KCNH1: variants seen among roughly 807,000 people sequenced by gnomAD.
The protein encoded by KCNH1 is voltage-gated delayed rectifier potassium channel KCNH1.
Under a neutral mutation model 69.2 loss-of-function variants are expected in KCNH1, and 27 were observed. That is an observed-to-expected ratio of 0.39 (90% CI 0.29 to 0.54). The LOEUF is 0.54. KCNH1 is among the 20% of genes least tolerant of loss of function. The pLI is 0.68. For missense variants in KCNH1, 798 were observed against 1,261.6 expected (o/e 0.63, Z 5.57); for synonymous variants, 456 against 487.7 (o/e 0.93, Z 0.86).
chr1:211,127,562 T>C (rs1691803255), intron 1 of KCNH1, among the ~76,000 whole-genome samples: 1 of 152,192 alleles, frequency 6.6e-6, no homozygotes, highest in South Asian at 2.1e-4. Flanking sequence ...CCACAGTGGA[T>C]ACTGATGCCT....
intron 7 of KCNH1, among the ~76,000 whole-genome samples, chr1:210,816,061 A>G (rs1264549035): frequency 2.6e-5 from 4 of 152,168 alleles, no homozygotes; most frequent in African/African-American, 9.7e-5. Flanking sequence ...GCAAGCGGCG[A>G]GCGATTAACC....
intron 4 of KCNH1, among the ~76,000 whole-genome samples, chr1:211,089,084 A>T (rs1205394275): frequency 6.6e-6 from 1 of 152,186 alleles, no homozygotes; most frequent in Non-Finnish European, 1.5e-5. Context: ...GTAGTAATAA[A>T]AACAAAACAT....
At chr1:210,900,049 C>T (rs892537397) in intron 7 of KCNH1, among the ~76,000 whole-genome samples, 1 of 152,228 alleles carries the variant, frequency 6.6e-6, no homozygotes, top group Non-Finnish European at 1.5e-5. Flanking sequence ...CTAAATGCTT[C>T]TTGCCTCCTA....
chr1:210,864,203 G>A (rs1686052669), intron 7 of KCNH1, among the ~76,000 whole-genome samples: 1 of 152,222 alleles, frequency 6.6e-6, no homozygotes, highest in Non-Finnish European at 1.5e-5. Flanking sequence ...TGACAGCAGA[G>A]TAGCTGTCTC....
intron 7 of KCNH1, among the ~76,000 whole-genome samples, chr1:210,856,882 TATATATATATATATATA>T (rs1685858251): frequency 7.5e-6 from 1 of 132,838 alleles, no homozygotes; most frequent in South Asian, 2.5e-4. Context: ...ACCCACTATA[TATATATATATATATATA>T]AAATACTCAT....
rs143003604 is a variant in KCNH1 at position 210,964,290 on chromosome 1, C to A, written c.1033-44221G>T. Reference sequence around the variant, plus strand: ...CTTACAAGAGCTCCTGAAGGAAGCACTAAACATGGAAAGGAACAACTAGTA... The same window carrying A: ...CTTACAAGAGCTCCTGAAGGAAGCAATAAACATGGAAAGGAACAACTAGTA... On this transcript the variant is annotated intron_variant, in intron 6 of 10. Coordinates refer to ENST00000271751, the MANE Select transcript of KCNH1 (RefSeq NM_172362.3). Among the ~76,000 whole-genome samples, 776 of 152,224 alleles carry A rather than the reference C, an allele frequency of 5.1e-3. 10 individuals carry two copies. Among genetic ancestry groups the A allele is most frequent in the African/African-American group, 0.018 (737 of 41,526 alleles).
chr1:210,809,042 G>T (rs1461340120), intron 7 of KCNH1, among the ~76,000 whole-genome samples: 1 of 152,036 alleles, frequency 6.6e-6, no homozygotes, highest in African/African-American at 2.4e-5. Context: ...AGAAGAAGGG[G>T]TTTCTTTCAT....
intron 10 of KCNH1, among the ~76,000 whole-genome samples, chr1:210,712,000 G>A (rs1682087993): frequency 6.6e-6 from 1 of 152,088 alleles, no homozygotes; most frequent in Non-Finnish European, 1.5e-5. Context: ...AGCTGCTCAG[G>A]GCCACATCGG....
intron 7 of KCNH1, among the ~76,000 whole-genome samples, chr1:210,881,462 T>G (rs563407553): frequency 6.6e-6 from 1 of 152,334 alleles, no homozygotes; most frequent in South Asian, 2.1e-4. Context: ...GTCTGGTGAT[T>G]TGTTACAATA....
At chr1:210,829,846 C>T (rs934576483) in intron 7 of KCNH1, among the ~76,000 whole-genome samples, 3 of 152,196 alleles carry the variant, frequency 2.0e-5, no homozygotes, top group African/African-American at 4.8e-5. Context: ...TTATTACCTT[C>T]TAACGAATCA....
At chr1:210,926,744 G>A (rs530297435) in intron 6 of KCNH1, among the ~76,000 whole-genome samples, 7 of 151,958 alleles carry the variant, frequency 4.6e-5, no homozygotes, top group Non-Finnish European at 7.4e-5. Context: ...AAAAGAATTC[G>A]GGAGGTTGAT....
At chr1:210,697,679 G>A (rs545459109) in intron 10 of KCNH1, among the ~76,000 whole-genome samples, 97 of 152,374 alleles carry the variant, frequency 6.4e-4, no homozygotes, top group Non-Finnish European at 1.2e-3. Flanking sequence ...GCGGGTGGGG[G>A]AGGTTGTATC....
chr1:210,990,259 G>A (rs1051127485), intron 6 of KCNH1, among the ~76,000 whole-genome samples: 1 of 152,120 alleles, frequency 6.6e-6, no homozygotes, highest in Admixed American at 6.6e-5. Flanking sequence ...ATGAGAAGAG[G>A]GTATAATGGC....
intron 6 of KCNH1, among the ~76,000 whole-genome samples, chr1:210,973,236 A>G (rs746325951): frequency 6.6e-6 from 1 of 152,158 alleles, no homozygotes; most frequent in Non-Finnish European, 1.5e-5. Flanking sequence ...ACATTTCTCA[A>G]ATACTTATAT....
intron 7 of KCNH1, among the ~76,000 whole-genome samples, chr1:210,909,836 C>T (rs1334782895): frequency 6.6e-6 from 1 of 152,156 alleles, no homozygotes; most frequent in Non-Finnish European, 1.5e-5. Flanking sequence ...GTTTTTGATG[C>T]CAACAAGCTG....
intron 7 of KCNH1, among the ~76,000 whole-genome samples, chr1:210,864,940 G>A (rs1327238985): frequency 1.3e-5 from 2 of 152,178 alleles, no homozygotes; most frequent in Admixed American, 1.3e-4. Context: ...GCCCTTCCAT[G>A]TGGCTCTTTG....
chr1:211,094,480 C>T (rs1294010365), intron 3 of KCNH1, among the ~76,000 whole-genome samples: 4 of 152,188 alleles, frequency 2.6e-5, no homozygotes, highest in Non-Finnish European at 5.9e-5. Context: ...TATGTACTGG[C>T]TGCCTCAAAG....
chr1:210,731,829 AG>A (rs1682754591), intron 10 of KCNH1, among the ~76,000 whole-genome samples: 1 of 152,186 alleles, frequency 6.6e-6, no homozygotes, highest in Non-Finnish European at 1.5e-5. Context: ...CAACATATGA[AG>A]TTTGCCCTGC....
chr1:210,758,438 C>T (rs1368608790), intron 10 of KCNH1, among the ~76,000 whole-genome samples: 2 of 152,186 alleles, frequency 1.3e-5, no homozygotes, highest in African/African-American at 2.4e-5. Context: ...TGACCTGGAA[C>T]CAGTCTGTGT....
Sources: allele counts gnomAD v4.1 joint callset (sites outside exome capture counted in the v4.1 genomes callset), GRCh38; gene constraint gnomAD v4.1.1; transcripts MANE v1.5; gene names NCBI Gene and HGNC (gene_info 2026-07-23, HGNC 2026-07-21).